Variants in TCHHL1 observed in about 807,000 individuals in gnomAD.
TCHHL1 encodes the protein trichohyalin-like protein 1.
TCHHL1 carries 1 observed loss-of-function variant against 3.5 expected under a neutral mutation model. That is an observed-to-expected ratio of 0.29 (90% confidence interval 0.10 to 1.36). The LOEUF (loss-of-function observed/expected upper bound fraction) is 1.36, where lower values mean the gene tolerates loss of function less well. Among genes scored for constraint, TCHHL1 ranks in the 40% most tolerant of loss-of-function variants. The pLI, the probability that TCHHL1 is intolerant of heterozygous loss-of-function variation, is 0.43. For synonymous variants in TCHHL1, 405 were observed against 375.3 expected (o/e 1.08, Z -0.92); for missense variants, 1,027 against 1,032.8 (o/e 0.99, Z 0.08).
At position 152,086,417 on chromosome 1, in the gene TCHHL1, T is replaced by C; in HGVS notation, c.1265A>G (p.Gln422Arg). The C allele has an allele frequency of 6.2e-7, 1 of 1,614,116 alleles. No individual in the cohort carries two copies. The highest frequency in any genetic ancestry group is 8.5e-7 in the Non-Finnish European group (1 of 1,180,012). ...TRPLVLETQTQDGKYQELQGL... is the reference protein window; with the variant it reads ...TRPLVLETQTRDGKYQELQGL... ...TTGGAGTTCCTGATACTTCCCATCC[T>C]GTGTTTGGGTTTCCAGGACTAGTGG... The change falls in exon 3 of 3, where the codon CAG (glutamine) becomes CGG (arginine). Residue 422 changes from glutamine (Q) to arginine (R), a missense_variant. Around this residue, in one of 3 missense-constraint regions of TCHHL1, gnomAD observed 673 missense variants for 658.6 expected, o/e 1.02. Coordinates refer to ENST00000368806, the MANE Select transcript of TCHHL1 (RefSeq NM_001008536.2).
At chr1:152,088,240 T>A in intron 1 of TCHHL1, 77 bp from the exon 2 acceptor site, 1 of 1,352,956 alleles carries the variant, frequency 7.4e-7, no homozygotes, top group East Asian at 2.4e-5. Context: ...ATCCTTTTTG[T>A]TCCTCCCCCA....
Position 152,085,166 on chromosome 1 carries a change from AG to A in TCHHL1, c.2515del (p.Leu839SerfsTer147). On this transcript the variant is annotated frameshift_variant, in exon 3 of 3. Coordinates refer to ENST00000368806, the MANE Select transcript of TCHHL1 (RefSeq NM_001008536.2). LOFTEE classifies it low-confidence loss of function (END_TRUNC). ...ASGPELCSVSLTSEISDCSVF... is the reference protein window; with the variant it reads ...ASGPELCSVSXTSEISDCSVF... ...AGAACAATCTGAGATCTCACTGGTG[AG>A]GGATACACTGCAAAGCTCTGGGCCT... The A allele has an allele frequency of 6.2e-7, 1 of 1,614,132 alleles. No homozygotes were observed. Among genetic ancestry groups the A allele is most frequent in the Non-Finnish European group, 8.5e-7 (1 of 1,180,020 alleles).
chr1:152,085,492 G>A lies in TCHHL1; in HGVS notation c.2190C>T (p.Ala730=). ...LLESLDEDNS[A]SLKIQLETKE... ...TTGTTTCAAGTTGTATCTTGAGGGA[G>A]GCTGAATTGTCCTCATCTAGACTTT... Residue 730 remains alanine (A), a synonymous_variant, in exon 3 of 3, where the codon GCC becomes GCT. Transcript: ENST00000368806. 1.2e-6 allele frequency: 2 copies of A among 1,614,202 alleles called. No individual in the cohort carries two copies. The highest frequency in any genetic ancestry group is 1.7e-6 in the Non-Finnish European group (2 of 1,180,034).
At position 152,084,931 on chromosome 1, in the gene TCHHL1, G is replaced by T; in HGVS notation, c.*36C>A. 1 of 1,587,504 alleles carries T rather than the reference G, an allele frequency of 6.3e-7. No individual in the cohort carries two copies. The highest frequency in any genetic ancestry group is 1.2e-5 in the South Asian group (1 of 86,566). On this transcript the variant is annotated 3_prime_UTR_variant, in exon 3 of 3. Coordinates refer to ENST00000368806, the MANE Select transcript of TCHHL1 (RefSeq NM_001008536.2). ...TACACGTGAGTATTGAGGGTGATTG[G>T]GAGAGAAATTGGGGGCATGTTGAGA...
chr1:152,088,070 C>T lies in TCHHL1; in HGVS notation c.74G>A (p.Gly25Glu). 1.2e-6 allele frequency: 2 copies of T among 1,611,770 alleles called. No individual in the cohort carries two copies. The highest frequency in any genetic ancestry group is 8.5e-7 in the Non-Finnish European group (1 of 1,179,384). ...CAGCTCTCTGCCAGTCAGTGTTGCC[C>T]CGTTACTGTCCTCACTGGCATATTT... ...FHKYASEDSN[G>E]ATLTGRELKQ... Residue 25 changes from glycine (G) to glutamate (E), a missense_variant, in exon 2 of 3, where the codon GGG becomes GAG. Gly to Glu is a moderately conservative substitution (Grantham distance 98). Transcript: ENST00000368806.
rs1332713319 is a variant in TCHHL1, at chr1:152,084,542, A to T, written c.*425T>A. The stretch of plus-strand genomic sequence containing the variant: ...ACTTGAAATACTTCTAGGAAATGTC[A>T]TGAAGCAGAGTAATCTATATATATG... On this transcript the variant is annotated 3_prime_UTR_variant, in exon 3 of 3. Coordinates refer to ENST00000368806, the MANE Select transcript of TCHHL1 (RefSeq NM_001008536.2). The T allele has an allele frequency of 6.5e-6, 1 of 153,780 alleles. No individual in the cohort carries two copies. The highest frequency in any genetic ancestry group is 2.4e-5 in the African/African-American group (1 of 41,500). 9.5% of individuals were successfully genotyped at this position (153,780 alleles called of 1,614,324 possible).
Position 152,086,055 on chromosome 1 carries a change from C to T in TCHHL1, c.1627G>A (p.Asp543Asn), listed in dbSNP as rs1476598551. The change falls in exon 3 of 3, where the codon GAT (aspartate) becomes AAT (asparagine). Residue 543 changes from aspartate to asparagine, a missense_variant. Asp to Asn is a conservative substitution (Grantham distance 23). Around this residue, in one of 3 missense-constraint regions of TCHHL1, gnomAD observed 673 missense variants for 658.6 expected, o/e 1.02. Transcript: ENST00000368806. ...EDPESPFTQS[D>N]EGSSETPNSL... Reference sequence around the variant, plus strand: ...TTGGGAGTTTCAGAAGACCCCTCATCACTCTGTGTGAATGGTGACTCAGGG... The same window carrying T: ...TTGGGAGTTTCAGAAGACCCCTCATTACTCTGTGTGAATGGTGACTCAGGG... 1 of 1,614,184 alleles carries T rather than the reference C, an allele frequency of 6.2e-7. No homozygotes were observed. Among genetic ancestry groups the T allele is most frequent in the Non-Finnish European group, 8.5e-7 (1 of 1,180,028 alleles).
rs1267913168 is a variant in TCHHL1, at chr1:152,086,959, C to T, written c.723G>A (p.Glu241=). 1 of 1,614,140 alleles carries T rather than the reference C, an allele frequency of 6.2e-7. No individual in the cohort carries two copies. The highest frequency in any genetic ancestry group is 1.7e-5 in the Admixed American group (1 of 60,014). ...ISQEGDEPAR[E]QSVSKIRDQF... ...GGTCTCTTATCTTGGAAACACTTTGCTCTCTGGCTGGTTCATCTCCTTCCT... is the reference window on the plus strand; with the variant it reads ...GGTCTCTTATCTTGGAAACACTTTGTTCTCTGGCTGGTTCATCTCCTTCCT... Residue 241 remains glutamate, a synonymous_variant, in exon 3 of 3, where the codon GAG becomes GAA. Transcript: ENST00000368806.
At position 152,085,297 on chromosome 1, in the gene TCHHL1, T is replaced by C. The variant is rs780188082; in HGVS notation, c.2385A>G (p.Ala795=). 3 of 1,614,234 alleles carry C rather than the reference T, an allele frequency of 1.9e-6. No homozygotes were observed. The highest frequency in any genetic ancestry group is 2.5e-6 in the Non-Finnish European group (3 of 1,180,040). ...ACTGGTATAGTGGACTGGAATAGAC[T>C]GCACCCCTCTCCACAGAACAGGGCT... ...DQEPCSVERG[A]VYSSPLYQYL... is the part of the protein sequence containing the mutation. Residue 795 remains alanine (A), a synonymous_variant, in exon 3 of 3, where the codon GCA becomes GCG. Transcript: ENST00000368806.
Position 152,086,844 on chromosome 1 carries a change from T to C in TCHHL1, c.838A>G (p.Thr280Ala). Reference protein sequence around the residue: ...QRPCEDQEVRTEKEKHSNIQE... With the variant: ...QRPCEDQEVRAEKEKHSNIQE... ...ATATTAGAGTGTTTTTCCTTTTCTG[T>C]TCTAACTTCCTGATCTTCACATGGT... is the stretch of plus-strand genomic sequence containing the variant. Residue 280 changes from threonine (T) to alanine (A), a missense_variant, in exon 3 of 3, where the codon ACA becomes GCA. This residue lies in a region of TCHHL1 where 338 missense variants were observed against 335.9 expected (regional missense o/e 1.01). Transcript: ENST00000368806. The C allele has an allele frequency of 1.2e-6, 2 of 1,614,168 alleles. No homozygotes were observed. The highest frequency in any genetic ancestry group is 1.7e-6 in the Non-Finnish European group (2 of 1,180,022).
At position 152,086,871 on chromosome 1, in the gene TCHHL1, T is replaced by A. The variant is rs1168738033; in HGVS notation, c.811A>T (p.Arg271Ter). ...CTAACTTCCTGATCTTCACATGGTC[T>A]TTGTGTTGCTTCTTTTGGTGGTGAA... ...QSSPPKEATQRPCEDQEVRTE... is the reference protein window; with the variant it reads ...QSSPPKEATQ The change falls in exon 3 of 3, where the codon AGA becomes TGA. Residue 271 changes from arginine to a stop codon, truncating the protein, a stop_gained. Transcript: ENST00000368806. LOFTEE classifies it low-confidence loss of function (END_TRUNC). The A allele has an allele frequency of 3.1e-6, 5 of 1,614,082 alleles. No individual in the cohort carries two copies. The highest frequency in any genetic ancestry group is 4.2e-6 in the Non-Finnish European group (5 of 1,180,042).
chr1:152,087,558 A>G lies in TCHHL1; in HGVS notation c.139-15T>C. The G allele has an allele frequency of 1.3e-6, 2 of 1,572,172 alleles. No individual in the cohort carries two copies. The highest frequency in any genetic ancestry group is 1.7e-6 in the Non-Finnish European group (2 of 1,168,092). On this transcript the variant is annotated splice_polypyrimidine_tract_variant and intron_variant, in intron 2 of 2. Transcript: ENST00000368806. ...AGGACACAGGGCTGCATGAAAACAC[A>G]GTGAGAAATCAGCTTATTTATATGT...
At chr1:152,087,896 G>A (rs960863618) in intron 2 of TCHHL1, 110 bp downstream of exon 2, 24 of 1,327,410 alleles carry the variant, frequency 1.8e-5, no homozygotes, top group Non-Finnish European at 2.4e-5. Context: ...TGAGTGCTGA[G>A]AACTGTTAGC....
In TCHHL1 at chr1:152,086,142, T is replaced by A; in HGVS notation, c.1540A>T (p.Thr514Ser). ...PLEKQSVGEN[T>S]RVTKTHDQPV... Reference sequence around the variant, plus strand: ...TGGTCATGAGTCTTGGTGACCCTAGTATTTTCTCCTACAGACTGCTTCTCA... The same window carrying A: ...TGGTCATGAGTCTTGGTGACCCTAGAATTTTCTCCTACAGACTGCTTCTCA... The change falls in exon 3 of 3, where the codon ACT (threonine) becomes TCT (serine). Residue 514 changes from threonine (T) to serine (S), a missense_variant. By Grantham distance (58) the Thr-to-Ser change is moderately conservative. Around this residue, in one of 3 missense-constraint regions of TCHHL1, gnomAD observed 673 missense variants for 658.6 expected, o/e 1.02. Transcript: ENST00000368806. The A allele has an allele frequency of 6.2e-7, 1 of 1,614,228 alleles. No homozygotes were observed. Among genetic ancestry groups the A allele is most frequent in the East Asian group, 2.2e-5 (1 of 44,886 alleles).
chr1:152,086,481 C>T lies in TCHHL1; in HGVS notation c.1201G>A (p.Gly401Arg), dbSNP rs2101505529. The stretch of plus-strand genomic sequence containing the variant: ...TCACGTTCTTTCTGCCCTGCTGTTC[C>T]ATGGGCCTCAGGACCTCTCCTCTCT... ...RKERRGPEAH[G>R]TAGQKERDRK... is the part of the protein sequence containing the mutation. The change falls in exon 3 of 3, where the codon GGA (glycine) becomes AGA (arginine). Residue 401 changes from glycine to arginine, a missense_variant. This residue lies in a region of TCHHL1 where 673 missense variants were observed against 658.6 expected (regional missense o/e 1.02). Coordinates refer to ENST00000368806, the MANE Select transcript of TCHHL1 (RefSeq NM_001008536.2). The T allele has an allele frequency of 6.2e-7, 1 of 1,614,190 alleles. No individual in the cohort carries two copies. The highest frequency in any genetic ancestry group is 8.5e-7 in the Non-Finnish European group (1 of 1,180,028).
chr1:152,085,568 C>G lies in TCHHL1; in HGVS notation c.2114G>C (p.Ser705Thr), dbSNP rs554946548. 2.6e-4 allele frequency: 418 copies of G among 1,614,230 alleles called. 3 individuals are homozygous for G. In the South Asian group the frequency reaches 4.2e-3, roughly 16 times the overall value. ...SRNELKVQGP[S>T]SKEEKGRATE... ...TGCTCTTCCTTTCTCTTCTTTGCTA[C>G]TTGGGCCTTGGACCTTTAATTCATT... The change falls in exon 3 of 3, where the codon AGT becomes ACT. Residue 705 changes from serine to threonine, a missense_variant. Ser to Thr is a moderately conservative substitution (Grantham distance 58). This residue lies in a region of TCHHL1 where 673 missense variants were observed against 658.6 expected (regional missense o/e 1.02). Coordinates refer to ENST00000368806, the MANE Select transcript of TCHHL1 (RefSeq NM_001008536.2).
rs750863924 is a variant in TCHHL1, at chr1:152,085,350, G to T, written c.2332C>A (p.Leu778Ile). 1 of 1,614,184 alleles carries T rather than the reference G, an allele frequency of 6.2e-7. No homozygotes were observed. Among genetic ancestry groups the T allele is most frequent in the South Asian group, 1.1e-5 (1 of 91,076 alleles). Residue 778 changes from leucine (L) to isoleucine (I), a missense_variant, in exon 3 of 3, where the codon CTT becomes ATT. Transcript: ENST00000368806. ...EHNSSVPWSSLEKQMQRDQEP... is the reference protein window; with the variant it reads ...EHNSSVPWSSIEKQMQRDQEP... ...TGGTCTCTCTGCATCTGCTTTTCAA[G>T]ACTTGACCAGGGGACTGAAGAATTG...
In TCHHL1 at chr1:152,086,690, A is replaced by T. The variant is rs1657736735; in HGVS notation, c.992T>A (p.Phe331Tyr). 2 of 1,614,210 alleles carry T rather than the reference A, an allele frequency of 1.2e-6. No homozygotes were observed. The highest frequency in any genetic ancestry group is 4.5e-5 in the East Asian group (2 of 44,882). The change falls in exon 3 of 3, where the codon TTT becomes TAT. Residue 331 changes from phenylalanine to tyrosine, a missense_variant. By Grantham distance (22) the Phe-to-Tyr change is conservative. Coordinates refer to ENST00000368806, the MANE Select transcript of TCHHL1 (RefSeq NM_001008536.2). The part of the protein sequence containing the change: ...STDSKDVCRM[F>Y]DTQEPGKDAD... ...ATCCTTTCCTGGTTCTTGAGTGTCAAACATTCTACAGACATCCTTGGAATC... is the reference window on the plus strand; with the variant it reads ...ATCCTTTCCTGGTTCTTGAGTGTCATACATTCTACAGACATCCTTGGAATC...
Position 152,087,116 on chromosome 1 carries a change from C to G in TCHHL1, c.566G>C (p.Ser189Thr). Residue 189 changes from serine to threonine, a missense_variant, in exon 3 of 3, where the codon AGT (serine) becomes ACT (threonine). By Grantham distance (58) the Ser-to-Thr change is moderately conservative (BLOSUM62 1). Transcript: ENST00000368806. ...TTGTATATCTTGAGCCACTTCCTGA[C>G]TTTGTTCATCTCCTTCCAGGTGTTT... ...KNKHLEGDEQ[S>T]QEVAQDIQTT... The G allele has an allele frequency of 6.2e-7, 1 of 1,614,152 alleles. No homozygotes were observed. Among genetic ancestry groups the G allele is most frequent in the Non-Finnish European group, 8.5e-7 (1 of 1,180,022 alleles).
Sources: gnomAD v4.1 joint callset for allele counts on GRCh38, gnomAD v4.1.1 for gene constraint, gnomAD v4.1.1 regional missense constraint, MANE v1.5 for transcripts, NCBI Gene and HGNC (gene_info 2026-07-23, HGNC 2026-07-21) for gene names.